Variants in ABCB4 observed in about 807,000 individuals in gnomAD.
ABCB4 encodes ATP binding cassette subfamily B member 4.
In ABCB4, 76 loss-of-function variants were observed where a neutral mutation model predicts 145.7. The observed-to-expected ratio is 0.52, with a 90% CI of 0.43 to 0.63. The LOEUF (loss-of-function observed/expected upper bound fraction) is 0.63, where lower values mean the gene tolerates loss of function less well. ABCB4 is among the 30% of genes least tolerant of loss of function. The probability of loss-of-function intolerance (pLI) is 0.00; values close to 1 mark genes in which losing one functional copy is unlikely to be tolerated. For missense variants in ABCB4, 1,234 were observed against 1,553.1 expected, an observed-to-expected ratio of 0.79 and a Z score of 3.45; for synonymous variants, 517 against 566.8, an observed-to-expected ratio of 0.91 and a Z score of 1.25.
At chr7:87,452,920 G>A (rs370647193) in intron 6 of ABCB4, 24 bp downstream of exon 6, 33 of 1,606,432 alleles carry the variant, frequency 2.1e-5, no homozygotes, top group Non-Finnish European at 2.7e-5. Flanking sequence ...CTATATGAAA[G>A]TGTGACATTA....
rs1810376925 is a variant in ABCB4, at chr7:87,433,441, T to C, written c.1732-1876A>G. Reference sequence around the variant, plus strand: ...AATTTGATTACTGTAATTATATTCATGATGCTAACAGTGATGAATAAATTG... The same window carrying C: ...AATTTGATTACTGTAATTATATTCACGATGCTAACAGTGATGAATAAATTG... On this transcript the variant is annotated intron_variant, in intron 14 of 27. Transcript: ENST00000649586. Among the ~76,000 whole-genome samples the C allele has an allele frequency of 3.9e-5, 6 of 152,326 alleles. No homozygotes were observed. In the South Asian group the frequency reaches 1.2e-3, roughly 32 times the overall value.
intron 26 of ABCB4, chr7:87,403,522 CAA>C (rs1807957139): frequency 1.9e-6 from 1 of 533,538 alleles, no homozygotes; most frequent in Non-Finnish European, 3.3e-6. Context: ...TCTAAAATAA[CAA>C]ATGCTATAAC....
chr7:87,465,814 C>T (rs979871050), intron 3 of ABCB4, among the ~76,000 whole-genome samples: 1 of 152,190 alleles, frequency 6.6e-6, no homozygotes, highest in Non-Finnish European at 1.5e-5. Flanking sequence ...CTCCAGCAAA[C>T]TCCAACAGAC....
At chr7:87,392,533 T>C in the ABCB4 span, 1 of 1,561,730 alleles carries the variant, frequency 6.4e-7, no homozygotes, top group Non-Finnish European at 8.8e-7. Context: ...TTGCACAGTG[T>C]GTTATTGAAG....
chr7:87,453,499 T>C (rs1455422795), intron 5 of ABCB4, among the ~76,000 whole-genome samples: 1 of 151,066 alleles, frequency 6.6e-6, no homozygotes, highest in Non-Finnish European at 1.5e-5. Flanking sequence ...CCTTTATTCA[T>C]CTCTTTCAGG....
At chr7:87,409,992 G>A (rs1259288355) in intron 23 of ABCB4, among the ~76,000 whole-genome samples, 1 of 152,106 alleles carries the variant, frequency 6.6e-6, no homozygotes, top group Non-Finnish European at 1.5e-5. Context: ...TCTGGGTGAT[G>A]ACATGGTCTG....
At position 87,447,112 on chromosome 7, in the gene ABCB4, A is replaced by G. The variant is rs199504845; in HGVS notation, c.927T>C (p.Tyr309=). 260 of 1,613,814 alleles carry G rather than the reference A, an allele frequency of 1.6e-4. 1 individual carries two copies. The highest frequency in any genetic ancestry group is 2.3e-4 in the Admixed American group (14 of 60,000). Reference sequence around the variant, plus strand: ...ACCAGAAGGCCAGTGCATATGATGCATATATTAACAGGAAGGCAATACCCA... The same window carrying G: ...ACCAGAAGGCCAGTGCATATGATGCGTATATTAACAGGAAGGCAATACCCA... ...ISMGIAFLLI[Y]ASYALAFWYG... is the part of the protein sequence containing the mutation. Residue 309 remains tyrosine (Y), a synonymous_variant, in exon 9 of 28, where the codon TAT becomes TAC. Coordinates refer to ENST00000649586, the MANE Select transcript of ABCB4 (RefSeq NM_000443.4).
chr7:87,397,729 A>T (rs113942547), downstream of ABCB4, among the ~76,000 whole-genome samples: 1 of 152,214 alleles, frequency 6.6e-6, no homozygotes, highest in Non-Finnish European at 1.5e-5. Flanking sequence ...ATCATTATAT[A>T]CTGGGCTAGA....
chr7:87,450,493 C>T (rs527698036), intron 7 of ABCB4, among the ~76,000 whole-genome samples: 16 of 126,580 alleles, frequency 1.3e-4, no homozygotes, highest in Non-Finnish European at 1.9e-4. Context: ...TTTTTTGAGA[C>T]GGGGTCTCAC....
chr7:87,367,506 A>G, the ABCB4 span, among the ~76,000 whole-genome samples: 13 of 152,212 alleles, frequency 8.5e-5, no homozygotes, highest in African/African-American at 2.9e-4. Flanking sequence ...CCAAGTCAGT[A>G]GTAATTTGTT....
intron 3 of ABCB4, among the ~76,000 whole-genome samples, chr7:87,466,287 G>C (rs1421961096): frequency 1.3e-5 from 2 of 152,186 alleles, no homozygotes; most frequent in African/African-American, 2.4e-5. Flanking sequence ...TCAAGTGGAA[G>C]AAAGGGTATC....
chr7:87,398,639 CT>C, downstream of ABCB4: 1 of 1,612,936 alleles, frequency 6.2e-7, no homozygotes. Context: ...CTCTACTCAT[CT>C]TTAGAGATGA....
chr7:87,406,233 A>G, intron 26 of ABCB4, 55 bp downstream of exon 26: 1 of 1,564,256 alleles, frequency 6.4e-7, no homozygotes. Flanking sequence ...AACTTTGGTA[A>G]TTGTTTGGGG....
At chr7:87,427,372 G>T (rs1305732213) in intron 15 of ABCB4, among the ~76,000 whole-genome samples, 1 of 152,086 alleles carries the variant, frequency 6.6e-6, no homozygotes, top group East Asian at 1.9e-4. Flanking sequence ...TCCTCGACTG[G>T]CTGAGTATGG....
At chr7:87,457,427 C>T (rs948812758) in intron 4 of ABCB4, among the ~76,000 whole-genome samples, 5 of 152,244 alleles carry the variant, frequency 3.3e-5, no homozygotes, top group African/African-American at 1.2e-4. Flanking sequence ...AAAAAGTACC[C>T]TGGTTGATTC....
chr7:87,383,102 C>G, the ABCB4 span, among the ~76,000 whole-genome samples: 12 of 152,122 alleles, frequency 7.9e-5, no homozygotes, highest in African/African-American at 2.7e-4. Flanking sequence ...TTTATTACGT[C>G]TTCGTGTGGG....
At chr7:87,418,190 G>A (rs1282601068) in intron 20 of ABCB4, among the ~76,000 whole-genome samples, 2 of 152,230 alleles carry the variant, frequency 1.3e-5, no homozygotes, top group African/African-American at 4.8e-5. Context: ...TTTCAGCAAA[G>A]GGTTTTTGTT....
chr7:87,444,348 T>C (rs922542245), intron 10 of ABCB4, among the ~76,000 whole-genome samples: 1 of 152,260 alleles, frequency 6.6e-6, no homozygotes, highest in African/African-American at 2.4e-5. Flanking sequence ...AATATTTGAA[T>C]GCAGTGACTT....
At chr7:87,419,094 GTGTC>G (rs1231410509) in intron 19 of ABCB4, among the ~76,000 whole-genome samples, 1 of 152,176 alleles carries the variant, frequency 6.6e-6, no homozygotes, top group African/African-American at 2.4e-5. Context: ...GATTGAAAGT[GTGTC>G]TGATCTCCAG....
Sources: gnomAD v4.1 joint callset for allele counts (sites outside exome capture counted in the v4.1 genomes callset) on GRCh38, gnomAD v4.1.1 for gene constraint, MANE v1.5 for transcripts, NCBI Gene and HGNC (gene_info 2026-07-23, HGNC 2026-07-21) for gene names.